The following FER1L6 variants were observed in gnomAD, a reference collection of about 807,000 sequenced individuals.
The protein encoded by FER1L6 is fer-1 like family member 6, also known as fer-1-like protein 6.
Under a neutral mutation model 219.2 loss-of-function variants are expected in FER1L6, and 177 were observed. That is an observed-to-expected ratio of 0.81 (90% CI 0.71 to 0.91). The LOEUF is 0.91. FER1L6 is among the 40% of genes least tolerant of loss of function. The pLI, the probability that FER1L6 is intolerant of heterozygous loss-of-function variation, is 0.00. For synonymous variants in FER1L6, 768 were observed against 824.3 expected, an observed-to-expected ratio of 0.93 and a Z score of 1.17; for missense variants, 2,153 against 2,259.9, an observed-to-expected ratio of 0.95 and a Z score of 0.96.
intron 1 of FER1L6, among the ~76,000 whole-genome samples, chr8:123,937,851 A>G (rs1192839814): frequency 6.6e-6 from 1 of 152,214 alleles, no homozygotes; most frequent in Non-Finnish European, 1.5e-5. Flanking sequence ...ACAGAGATAT[A>G]TAGGAAAGAA....
chr8:123,856,239 ACATGTGTATGAGATATATG>A, intron 1 of FER1L6, among the ~76,000 whole-genome samples: 2 of 111,452 alleles, frequency 1.8e-5, no homozygotes, highest in African/African-American at 6.3e-5. Flanking sequence ...ATATGTATAT[ACATGTGTATGAGATATATG>A]TATATATGTG....
chr8:124,005,198 A>G (rs368939939), intron 13 of FER1L6, among the ~76,000 whole-genome samples: 101 of 152,336 alleles, frequency 6.6e-4, no homozygotes, highest in African/African-American at 2.2e-3. Flanking sequence ...CCTGGTTTGA[A>G]TCTTATTCAA....
intron 34 of FER1L6, 89 bp from the exon 35 acceptor site, chr8:124,094,806 GC>G: frequency 7.1e-7 from 1 of 1,401,568 alleles, no homozygotes; most frequent in Non-Finnish European, 1.0e-6. Flanking sequence ...ATTTAAATAA[GC>G]CTGTAAGTGT....
chr8:123,988,265 C>T (rs1317575712), intron 12 of FER1L6, among the ~76,000 whole-genome samples: 6 of 152,162 alleles, frequency 3.9e-5, no homozygotes, highest in African/African-American at 1.4e-4. Flanking sequence ...AATATGATTC[C>T]TCCAGTTTTG....
At chr8:124,096,508 A>C (rs1045489567) in intron 35 of FER1L6, among the ~76,000 whole-genome samples, 1 of 152,184 alleles carries the variant, frequency 6.6e-6, no homozygotes, top group Non-Finnish European at 1.5e-5. Flanking sequence ...AGCTGACAGC[A>C]TTCTTAGAAT....
chr8:123,854,287 C>T (rs1216937754), intron 1 of FER1L6, among the ~76,000 whole-genome samples: 1 of 152,158 alleles, frequency 6.6e-6, no homozygotes, highest in Non-Finnish European at 1.5e-5. Context: ...CTCCTTTCCC[C>T]AGTAGGGTGT....
intron 1 of FER1L6, among the ~76,000 whole-genome samples, chr8:123,951,157 G>C (rs1427647823): frequency 6.6e-6 from 1 of 152,118 alleles, no homozygotes; most frequent in Non-Finnish European, 1.5e-5. Context: ...TAACCACAAG[G>C]GTTTGTAAAC....
chr8:124,083,142 CTTTA>C (rs1406350043), intron 33 of FER1L6, among the ~76,000 whole-genome samples: 1 of 145,468 alleles, frequency 6.9e-6, no homozygotes, highest in Non-Finnish European at 1.5e-5. Flanking sequence ...TTTATCCTTT[CTTTA>C]TATTATAAAC....
chr8:124,099,420 G>T (rs906037525), intron 37 of FER1L6, among the ~76,000 whole-genome samples: 2 of 152,254 alleles, frequency 1.3e-5, no homozygotes, highest in Middle Eastern at 6.8e-3. Flanking sequence ...CAAATCTACA[G>T]ACCCTTTGCT....
At chr8:124,105,932 A>G (rs1407098099) in intron 39 of FER1L6, among the ~76,000 whole-genome samples, 1 of 152,186 alleles carries the variant, frequency 6.6e-6, no homozygotes, top group African/African-American at 2.4e-5. Context: ...GATTTCATTT[A>G]TGTGAAATGC....
intron 2 of FER1L6, among the ~76,000 whole-genome samples, chr8:123,959,549 T>C (rs1343679549): frequency 1.3e-5 from 2 of 152,240 alleles, no homozygotes; most frequent in East Asian, 1.9e-4. Flanking sequence ...ATCCTCTCTG[T>C]AGCTACTGAG....
intron 1 of FER1L6, among the ~76,000 whole-genome samples, chr8:123,927,549 T>C (rs997846994): frequency 6.6e-6 from 1 of 152,240 alleles, no homozygotes; most frequent in Non-Finnish European, 1.5e-5. Context: ...GCTTGTCAAA[T>C]TTTGTAATAA....
chr8:123,977,768 G>A (rs147162416), intron 10 of FER1L6, among the ~76,000 whole-genome samples, 159 bp downstream of exon 10: 1 of 152,180 alleles, frequency 6.6e-6, no homozygotes, highest in African/African-American at 2.4e-5. Context: ...TTGGGGGATG[G>A]TTTTGGGATG....
At chr8:124,079,423 T>C (rs1464821171) in intron 32 of FER1L6, among the ~76,000 whole-genome samples, 2 of 151,404 alleles carry the variant, frequency 1.3e-5, no homozygotes. Flanking sequence ...GAGAATCTTC[T>C]TCAATTAAAG....
At chr8:124,045,686 A>ATAAG in intron 20 of FER1L6, 81 bp from the exon 21 acceptor site, 5 of 1,440,264 alleles carry the variant, frequency 3.5e-6, no homozygotes, top group East Asian at 2.3e-5. Context: ...TTTCCCCTGT[A>ATAAG]TAAGTATTTG....
intron 38 of FER1L6, 93 bp from the exon 39 acceptor site, chr8:124,103,053 A>C: frequency 8.8e-7 from 1 of 1,138,236 alleles, no homozygotes. Context: ...GTAGGAAGTG[A>C]AGGGTGAATG....
At chr8:124,004,134 AAAC>A (rs1345280082) in intron 13 of FER1L6, 1 of 151,848 alleles carries the variant, frequency 6.6e-6, no homozygotes, top group African/African-American at 2.4e-5. Context: ...AAAAAAAAAA[AAAC>A]AATTGTCAGG....
chr8:124,098,174 A>G (rs1052951988), intron 37 of FER1L6, among the ~76,000 whole-genome samples: 1 of 152,226 alleles, frequency 6.6e-6, no homozygotes, highest in Non-Finnish European at 1.5e-5. Flanking sequence ...CTACCTTTAA[A>G]CAAAAGGAAG....
At chr8:123,953,009 A>G (rs1245154755) in intron 1 of FER1L6, among the ~76,000 whole-genome samples, 1 of 152,190 alleles carries the variant, frequency 6.6e-6, no homozygotes, top group African/African-American at 2.4e-5. Flanking sequence ...TCTAGAGCTA[A>G]CAATGAATTC....
Sources: allele counts gnomAD v4.1 joint callset (sites outside exome capture counted in the v4.1 genomes callset), GRCh38; gene constraint gnomAD v4.1.1; transcripts MANE v1.5; gene names NCBI Gene and HGNC (gene_info 2026-07-23, HGNC 2026-07-21).